CCSER1: variants seen among roughly 807,000 people sequenced by gnomAD.
CCSER1 encodes serine-rich coiled-coil domain-containing protein 1.
A neutral mutation model predicts 82.0 loss-of-function variants in CCSER1; 41 were observed. That is an observed-to-expected ratio of 0.50 (90% CI 0.39 to 0.65). The LOEUF (loss-of-function observed/expected upper bound fraction) is 0.65, where lower values mean the gene tolerates loss of function less well. CCSER1 is among the 30% of genes least tolerant of loss of function. CCSER1 has a pLI of 0.00. For synonymous variants in CCSER1, 414 were observed against 383.9 expected, an observed-to-expected ratio of 1.08 and a Z score of -0.92; for missense variants, 1,119 against 1,064.2, an observed-to-expected ratio of 1.05 and a Z score of -0.72.
At chr4:91,517,232 T>C (rs892039568) in intron 10 of CCSER1, among the ~76,000 whole-genome samples, 1 of 152,122 alleles carries the variant, frequency 6.6e-6, no homozygotes, top group African/African-American at 2.4e-5. Context: ...TTCCATACCA[T>C]GTTTATAGGA....
chr4:91,125,562 CTAA>C (rs1282116907), intron 10 of CCSER1, among the ~76,000 whole-genome samples: 1 of 151,660 alleles, frequency 6.6e-6, no homozygotes, highest in Non-Finnish European at 1.5e-5. Context: ...TCTAAATTCC[CTAA>C]TGCCTTTACA....
intron 1 of CCSER1, among the ~76,000 whole-genome samples, chr4:90,180,504 G>A (rs559582378): frequency 1.3e-5 from 2 of 151,976 alleles, no homozygotes; most frequent in South Asian, 2.1e-4. Context: ...CAGGAGAATC[G>A]CTTGAACCTG....
At chr4:90,798,558 T>G (rs543989834) in intron 7 of CCSER1, among the ~76,000 whole-genome samples, 1 of 152,284 alleles carries the variant, frequency 6.6e-6, no homozygotes, top group Admixed American at 6.5e-5. Flanking sequence ...CCTTCTGGCT[T>G]TTTGGGTTGA....
At chr4:90,324,926 G>T (rs948400121) in intron 3 of CCSER1, among the ~76,000 whole-genome samples, 1 of 152,110 alleles carries the variant, frequency 6.6e-6, no homozygotes, top group Non-Finnish European at 1.5e-5. Context: ...ATTAAATAGG[G>T]AATCCTTTCC....
chr4:91,494,818 T>G (rs188473099), intron 10 of CCSER1, among the ~76,000 whole-genome samples: 1 of 151,926 alleles, frequency 6.6e-6, no homozygotes, highest in African/African-American at 2.4e-5. Context: ...GTATGATATT[T>G]ATTTCATCAA....
At chr4:91,412,828 G>C (rs997367677) in intron 10 of CCSER1, among the ~76,000 whole-genome samples, 1 of 152,044 alleles carries the variant, frequency 6.6e-6, no homozygotes, top group African/African-American at 2.4e-5. Context: ...TTGGAAACAT[G>C]ATACCACCAA....
At chr4:90,526,511 T>C (rs1345434065) in intron 5 of CCSER1, among the ~76,000 whole-genome samples, 1 of 152,164 alleles carries the variant, frequency 6.6e-6, no homozygotes, top group Non-Finnish European at 1.5e-5. Flanking sequence ...CAACCCGTCA[T>C]CTACATTAGA....
At chr4:91,582,156 T>C (rs1763756783) in intron 10 of CCSER1, among the ~76,000 whole-genome samples, 1 of 151,612 alleles carries the variant, frequency 6.6e-6, no homozygotes, top group Non-Finnish European at 1.5e-5. Flanking sequence ...GAATACTGCA[T>C]GGCAGTTATT....
chr4:90,405,871 T>G (rs1158222290), intron 4 of CCSER1, among the ~76,000 whole-genome samples: 2 of 152,060 alleles, frequency 1.3e-5, no homozygotes, highest in East Asian at 3.9e-4. Flanking sequence ...GCTCTAAATC[T>G]TGAAACAAAT....
intron 3 of CCSER1, among the ~76,000 whole-genome samples, chr4:90,347,837 T>G (rs1287119600): frequency 1.3e-5 from 2 of 152,066 alleles, no homozygotes; most frequent in African/African-American, 4.8e-5. Context: ...ATCAAACACT[T>G]TAAGCACCAA....
chr4:90,355,407 T>A (rs901949618), intron 3 of CCSER1, among the ~76,000 whole-genome samples: 1 of 152,036 alleles, frequency 6.6e-6, no homozygotes, highest in South Asian at 2.1e-4. Context: ...GTGTTAGGTC[T>A]CCTGCTTTAT....
intron 8 of CCSER1, among the ~76,000 whole-genome samples, chr4:90,856,482 A>C (rs1764475584): frequency 6.6e-6 from 1 of 152,164 alleles, no homozygotes; most frequent in African/African-American, 2.4e-5. Context: ...TATGGGAATT[A>C]AGATGGGTTT....
intron 10 of CCSER1, among the ~76,000 whole-genome samples, chr4:91,533,701 T>A (rs559457000): frequency 2.0e-3 from 308 of 152,132 alleles, no homozygotes; most frequent in Non-Finnish European, 3.3e-3. Context: ...TGCAGTTGAG[T>A]TCTGTGTGTA....
At chr4:91,150,215 C>A (rs940269974) in intron 10 of CCSER1, among the ~76,000 whole-genome samples, 13 of 152,044 alleles carry the variant, frequency 8.6e-5, no homozygotes, top group African/African-American at 2.4e-4. Flanking sequence ...AGTTGGATTC[C>A]TAAGTATTTT....
rs193194912 is a variant in CCSER1, at chr4:91,494,521, G to A, written c.2218-104051G>A. Among the ~76,000 whole-genome samples the A allele has an allele frequency of 4.0e-3, 612 of 151,676 alleles. 6 individuals carry two copies. Among genetic ancestry groups the A allele is most frequent in the African/African-American group, 0.014 (582 of 41,456 alleles). ...GGACTAGTAATTACCAGTATGTTTT[G>A]TTACAAAAAGAGTACTAAGAAATAT... On this transcript the variant is annotated intron_variant, in intron 10 of 10. Coordinates refer to ENST00000509176, the MANE Select transcript of CCSER1 (RefSeq NM_001145065.2).
intron 9 of CCSER1, among the ~76,000 whole-genome samples, chr4:90,981,291 T>C (rs1255061235): frequency 6.6e-6 from 1 of 151,824 alleles, no homozygotes; most frequent in Non-Finnish European, 1.5e-5. Flanking sequence ...AAACTATTTG[T>C]ACTCAAATCT....
intron 1 of CCSER1, among the ~76,000 whole-genome samples, chr4:90,194,151 T>TTAGGC (rs1437805793): frequency 6.6e-6 from 1 of 152,050 alleles, no homozygotes; most frequent in Non-Finnish European, 1.5e-5. Flanking sequence ...GGTTAGAAGG[T>TTAGGC]TATAGTTTGG....
intron 8 of CCSER1, among the ~76,000 whole-genome samples, chr4:90,911,832 A>C (rs1781114549): frequency 6.6e-6 from 1 of 152,188 alleles, no homozygotes; most frequent in African/African-American, 2.4e-5. Flanking sequence ...AGGAGATTAT[A>C]TTCCACGCCT....
intron 6 of CCSER1, among the ~76,000 whole-genome samples, chr4:90,656,093 T>C (rs1478203441): frequency 6.6e-6 from 1 of 151,960 alleles, no homozygotes; most frequent in Non-Finnish European, 1.5e-5. Context: ...AAAAAGATAT[T>C]CATTTGTTTG....
Sources: allele counts gnomAD v4.1 joint callset (sites outside exome capture counted in the v4.1 genomes callset), GRCh38; gene constraint gnomAD v4.1.1; transcripts MANE v1.5; gene names NCBI Gene and HGNC (gene_info 2026-07-23, HGNC 2026-07-21).